HLF: variants seen among roughly 807,000 people sequenced by gnomAD.
HLF encodes the protein hepatic leukemia factor.
Under a neutral mutation model 22.6 loss-of-function variants are expected in HLF, and 3 were observed. The observed-to-expected ratio is 0.13, with a 90% CI of 0.06 to 0.34. The LOEUF is 0.34. Ranked by LOEUF, HLF falls within the 10% of genes least tolerant of loss-of-function variation. The pLI, the probability that HLF is intolerant of heterozygous loss-of-function variation, is 1.00. For synonymous variants in HLF, 151 were observed against 151.8 expected, an observed-to-expected ratio of 0.99 and a Z score of 0.04; for missense variants, 299 against 389.2, an observed-to-expected ratio of 0.77 and a Z score of 1.95.
intron 1 of HLF, 146 bp from the exon 2 acceptor site, chr17:55,267,605 C>G: frequency 5.1e-6 from 3 of 591,692 alleles, no homozygotes; most frequent in South Asian, 4.6e-5. Flanking sequence ...ACTTTTAACT[C>G]TAGATCTACA....
At chr17:55,276,254 T>G (rs2080903572) in intron 2 of HLF, among the ~76,000 whole-genome samples, 1 of 152,170 alleles carries the variant, frequency 6.6e-6, no homozygotes, top group East Asian at 1.9e-4. Flanking sequence ...AGAGTACAAT[T>G]TGGCTGCTAG....
At chr17:55,317,116 C>T (rs776120135) in intron 3 of HLF, among the ~76,000 whole-genome samples, 7 of 151,964 alleles carry the variant, frequency 4.6e-5, no homozygotes, top group African/African-American at 1.2e-4. Context: ...TACAGGCGCA[C>T]GCCACCACGC....
At chr17:55,307,143 C>T (rs753758001) in intron 2 of HLF, among the ~76,000 whole-genome samples, 39 of 135,866 alleles carry the variant, frequency 2.9e-4, no homozygotes, top group Non-Finnish European at 5.3e-4. Flanking sequence ...CTCCTCTCAG[C>T]GGCCTTTTTT....
intron 2 of HLF, among the ~76,000 whole-genome samples, chr17:55,276,683 G>A (rs1191550288): frequency 1.3e-5 from 2 of 152,164 alleles, no homozygotes; most frequent in Non-Finnish European, 2.9e-5. Context: ...AAGGAGTCAG[G>A]GAGATGAGTC....
At chr17:55,288,857 C>G (rs931531357) in intron 2 of HLF, 45 of 928,602 alleles carry the variant, frequency 4.8e-5, no homozygotes, top group Non-Finnish European at 5.0e-5. Context: ...ATTGACCCCC[C>G]AATTTTCCAC....
In HLF at chr17:55,265,550, C is replaced by G; in HGVS notation, c.66C>G (p.Leu22=). The G allele has an allele frequency of 2.5e-6, 4 of 1,610,048 alleles. No individual in the cohort carries two copies. Among genetic ancestry groups the G allele is most frequent in the Non-Finnish European group, 3.4e-6 (4 of 1,178,348 alleles). The change falls in exon 1 of 4, where the codon CTC becomes CTG. Residue 22 remains leucine, a synonymous_variant. Transcript: ENST00000226067. Reference sequence around the variant, plus strand: ...TTATCCCGCCTCCCTACGGCGTGCTCAGGTCCCTGCTGGAGAACCCGCTGA... The same window carrying G: ...TTATCCCGCCTCCCTACGGCGTGCTGAGGTCCCTGCTGGAGAACCCGCTGA... ...PTFIPPPYGV[L]RSLLENPLKL...
At chr17:55,279,623 A>G (rs1336908190) in intron 2 of HLF, among the ~76,000 whole-genome samples, 1 of 152,100 alleles carries the variant, frequency 6.6e-6, no homozygotes, top group African/African-American at 2.4e-5. Context: ...CAAACAGATT[A>G]ATTATGCAAA....
At chr17:55,266,919 T>A in intron 1 of HLF, 2 of 470,938 alleles carry the variant, frequency 4.2e-6, no homozygotes, top group Non-Finnish European at 2.8e-6. Flanking sequence ...CCAATAGCTC[T>A]GCTTTTGAAA....
intron 2 of HLF, among the ~76,000 whole-genome samples, chr17:55,306,537 AGT>A (rs60472672): frequency 0.11 from 15,880 of 143,550 alleles, 938 homozygotes; most frequent in Middle Eastern, 0.17. Flanking sequence ...GCAAAAAGGA[AGT>A]GTGTGTGTGT....
chr17:55,269,323 A>G (rs1041941147), intron 2 of HLF, among the ~76,000 whole-genome samples: 2 of 152,186 alleles, frequency 1.3e-5, no homozygotes, highest in Non-Finnish European at 2.9e-5. Context: ...CTTAGCCTCC[A>G]GCCACCCCTG....
At chr17:55,315,784 G>T (rs144659500) in intron 3 of HLF, among the ~76,000 whole-genome samples, 1 of 152,196 alleles carries the variant, frequency 6.6e-6, no homozygotes, top group Admixed American at 6.5e-5. Context: ...GTTGAGAAGA[G>T]AAAGAAAATC....
chr17:55,287,058 G>C (rs939486159), intron 2 of HLF, among the ~76,000 whole-genome samples: 2 of 152,198 alleles, frequency 1.3e-5, no homozygotes, highest in African/African-American at 2.4e-5. Flanking sequence ...GTGGCTGGTA[G>C]ATGCATTAGC....
At chr17:55,290,335 AC>A (rs2081049364) in intron 2 of HLF, among the ~76,000 whole-genome samples, 1 of 152,144 alleles carries the variant, frequency 6.6e-6, no homozygotes, top group Admixed American at 6.5e-5. Context: ...GTTTGTGGTA[AC>A]CCTGCATTGC....
chr17:55,317,607 G>A (rs550127893), intron 3 of HLF, among the ~76,000 whole-genome samples: 110 of 152,268 alleles, frequency 7.2e-4, no homozygotes, highest in African/African-American at 2.5e-3. Context: ...AGTTGTGGAC[G>A]AAGTCTCAAA....
chr17:55,309,544 C>G (rs1026732808), intron 2 of HLF, among the ~76,000 whole-genome samples: 1 of 152,054 alleles, frequency 6.6e-6, no homozygotes, highest in Non-Finnish European at 1.5e-5. Context: ...GTGAACAGAC[C>G]CTAAACTGGT....
At chr17:55,288,699 T>A (rs2081030157) in intron 2 of HLF, among the ~76,000 whole-genome samples, 1 of 150,430 alleles carries the variant, frequency 6.6e-6, no homozygotes, top group Admixed American at 6.6e-5. Flanking sequence ...GAGGTTGCAG[T>A]GAGCTGAGAT....
At chr17:55,273,151 G>C (rs977649728) in intron 2 of HLF, 1 of 152,210 alleles carries the variant, frequency 6.6e-6, no homozygotes, top group Non-Finnish European at 1.5e-5. Context: ...GGGCTCAGGG[G>C]CTTGGGTTTA....
chr17:55,295,708 ACCTGTTCTATG>A (rs2081106085), intron 2 of HLF, among the ~76,000 whole-genome samples: 1 of 152,224 alleles, frequency 6.6e-6, no homozygotes, highest in South Asian at 2.1e-4. Flanking sequence ...GTCCCGTACC[ACCTGTTCTATG>A]CCAAAGGTAT....
intron 2 of HLF, among the ~76,000 whole-genome samples, chr17:55,305,887 GTC>G (rs1424009641): frequency 1.3e-5 from 2 of 152,212 alleles, no homozygotes; most frequent in Admixed American, 6.5e-5. Flanking sequence ...GGGGAGATGA[GTC>G]TCTGTTTTTC....
Sources: gnomAD v4.1 joint callset for allele counts (sites outside exome capture counted in the v4.1 genomes callset) on GRCh38, gnomAD v4.1.1 for gene constraint, MANE v1.5 for transcripts, NCBI Gene and HGNC (gene_info 2026-07-23, HGNC 2026-07-21) for gene names.